JAG2: variants seen among roughly 807,000 people sequenced by gnomAD.
JAG2 encodes the protein jagged canonical Notch ligand 2, also known as protein jagged-2.
Under a neutral mutation model 141.7 loss-of-function variants are expected in JAG2, and 46 were observed. The observed-to-expected ratio is 0.32, with a 90% CI of 0.26 to 0.42. JAG2 has a LOEUF of 0.42. Among genes scored for constraint, JAG2 ranks in the 10% least tolerant of loss-of-function variants. The probability of loss-of-function intolerance (pLI) is 1.00; values close to 1 mark genes in which losing one functional copy is unlikely to be tolerated. For synonymous variants in JAG2, 862 were observed against 763.5 expected, an observed-to-expected ratio of 1.13 and a Z score of -2.13; for missense variants, 1,500 against 1,817.5, an observed-to-expected ratio of 0.83 and a Z score of 3.18.
rs1189744887 is a variant in JAG2 at position 105,148,123 on chromosome 14, G to A, written c.2241C>T (p.Cys747=). The change falls in exon 17 of 26, where the codon TGC becomes TGT. Residue 747 remains cysteine, a synonymous_variant. Coordinates refer to ENST00000331782, the MANE Select transcript of JAG2 (RefSeq NM_002226.5). The part of the protein sequence containing the change: ...ACPPGWKGST[C]AVAKNSSCLP... ...GCAGCGGGGGCTCCTCACCGACGGC[G>A]CAGGTGCTGCCCTTCCAGCCGGGGG... 9 of 1,547,400 alleles carry A rather than the reference G, an allele frequency of 5.8e-6. No individual in the cohort carries two copies. The East Asian group carries it at 7.3e-5, about 13-fold the overall frequency.
chr14:105,163,014 C>G (rs1423393872), intron 2 of JAG2, among the ~76,000 whole-genome samples: 2 of 151,562 alleles, frequency 1.3e-5, no homozygotes, highest in African/African-American at 4.9e-5. Context: ...CCGCTAACGG[C>G]CCCCCCAGGT....
chr14:105,148,694 G>T lies in JAG2; in HGVS notation c.2020+51C>A, dbSNP rs1194788742. 8.3e-6 allele frequency: 12 copies of T among 1,446,374 alleles called. No homozygotes were observed. The East Asian group carries it at 2.7e-4, about 33-fold the overall frequency. The allele number at this position is 1,446,374 out of a possible 1,614,324, so 89.6% of individuals were successfully genotyped here. A position where few individuals can be genotyped will look rare whatever the true frequency, so the allele number is the denominator to read the frequency against. ...GCGGTCCATCTCAGGGTGATAAGGG[G>T]CCCACAGGGGTGGAGGCACAGGCCG... On this transcript the variant is annotated intron_variant, in intron 15 of 25. Transcript: ENST00000331782.
rs762093993 is a variant in JAG2, at chr14:105,150,820, G to A, written c.1429-43C>T. ...GTGAGCGTCCCGCAGGCACCCTGAC[G>A]GCCCCGCAGCACCCACGCCACACAC... On this transcript the variant is annotated intron_variant, in intron 11 of 25. Transcript: ENST00000331782. The A allele has an allele frequency of 3.6e-5, 57 of 1,572,312 alleles. 1 individual carries two copies. In the Admixed American group the frequency reaches 8.2e-4, roughly 22 times the overall value.
intron 23 of JAG2, 105 bp from the exon 24 acceptor site, chr14:105,145,166 C>T (rs1361131985): frequency 6.8e-7 from 1 of 1,472,938 alleles, no homozygotes; most frequent in Non-Finnish European, 9.3e-7. Flanking sequence ...CTACAGCCCG[C>T]CCAGGAGAGC....
Position 105,147,310 on chromosome 14 carries a change from C to A in JAG2, c.2479+16G>T. ...GGCTGAGGGGCTCCCAGGGCTGGGG[C>A]TGTCTGGCCACTCACTGATGCGGCA... is the stretch of plus-strand genomic sequence containing the variant. On this transcript the variant is annotated intron_variant, in intron 20 of 25. Coordinates refer to ENST00000331782, the MANE Select transcript of JAG2 (RefSeq NM_002226.5). 2 of 1,549,796 alleles carry A rather than the reference C, an allele frequency of 1.3e-6. No individual in the cohort carries two copies. Among genetic ancestry groups the A allele is most frequent in the Non-Finnish European group, 8.7e-7 (1 of 1,146,010 alleles).
chr14:105,168,368 G>C lies in JAG2; in HGVS notation c.53C>G (p.Ala18Gly). Residue 18 changes from alanine (A) to glycine (G), a missense_variant, in exon 1 of 26, where the codon GCG becomes GGG. Ala to Gly is a moderately conservative substitution (Grantham distance 60, BLOSUM62 0). This residue lies in a region of JAG2 where 200 missense variants were observed against 174.3 expected (regional missense o/e 1.15). Transcript: ENST00000331782. ...RLPRRLLLLL[A>G]LWVQAARPMG... ...CGCCCCGCTCACCTGCACCCAGAGCGCCAGCAGCAGCAGCAGCCGCCGGGG... is the reference window on the plus strand; with the variant it reads ...CGCCCCGCTCACCTGCACCCAGAGCCCCAGCAGCAGCAGCAGCCGCCGGGG... 1.0e-6 allele frequency: 1 copy of C among 975,616 alleles called. No individual in the cohort carries two copies. The highest frequency in any genetic ancestry group is 2.5e-5 in the South Asian group (1 of 40,692). 60.4% of individuals were successfully genotyped at this position (975,616 alleles called of 1,614,324 possible). A position where few individuals can be genotyped will look rare whatever the true frequency, so the allele number is the denominator to read the frequency against.
chr14:105,153,282 T>A (rs1888489255), intron 5 of JAG2, among the ~76,000 whole-genome samples: 1 of 152,158 alleles, frequency 6.6e-6, no homozygotes, highest in Admixed American at 6.5e-5. Flanking sequence ...CTGCCACAAA[T>A]GGGGAAACTG....
rs372001634 is a variant in JAG2 at position 105,145,688 on chromosome 14, G to A, written c.2952+43C>T. On this transcript the variant is annotated intron_variant, in intron 23 of 25. Coordinates refer to ENST00000331782, the MANE Select transcript of JAG2 (RefSeq NM_002226.5). Reference sequence around the variant, plus strand: ...TTTCGCCATGCCACGAGCAGATGCCGGCGTGTGGCCTCTGCAAGCTCAGAT... The same window carrying A: ...TTTCGCCATGCCACGAGCAGATGCCAGCGTGTGGCCTCTGCAAGCTCAGAT... 939 of 1,562,756 alleles carry A rather than the reference G, an allele frequency of 6.0e-4. 5 individuals carry two copies. Among genetic ancestry groups the A allele is most frequent in the Admixed American group, 3.8e-3 (205 of 53,634 alleles).
At chr14:105,150,017 T>G (rs1428272439) in intron 12 of JAG2, among the ~76,000 whole-genome samples, 4 of 19,264 alleles carry the variant, frequency 2.1e-4, no homozygotes, top group African/African-American at 5.0e-4. Context: ...GATAGTGAGG[T>G]GGGTGGGGGG....
rs772466320 is a variant in JAG2, at chr14:105,149,181, C to T, written c.1742G>A (p.Gly581Glu). 1 of 1,611,692 alleles carries T rather than the reference C, an allele frequency of 6.2e-7. No individual in the cohort carries two copies. ...CSVPREPCPGGACRVIDGCGS... is the reference protein window; with the variant it reads ...CSVPREPCPGEACRVIDGCGS... ...GCCGCACCCAGCACCTCTGCAGGCC[C>T]CGCCAGGGCACGGCTCGCGGGGCAC... Residue 581 changes from glycine to glutamate, a missense_variant, in exon 13 of 26, where the codon GGG becomes GAG. By Grantham distance (98) the Gly-to-Glu change is moderately conservative. This residue lies in a region of JAG2 where 875 missense variants were observed against 1,202.2 expected (regional missense o/e 0.73). Transcript: ENST00000331782.
chr14:105,148,823 C>A lies in JAG2; in HGVS notation c.1942G>T (p.Gly648Trp). The A allele has an allele frequency of 6.3e-7, 1 of 1,598,704 alleles. No individual in the cohort carries two copies. Among genetic ancestry groups the A allele is most frequent in the Non-Finnish European group, 8.5e-7 (1 of 1,173,250 alleles). ...TCCACCTCATCGATGCATGTGCCCC[C>A]ATTGCGGCAGGGCTGGCCCAGGCAG... ...DDCLGQPCRNGGTCIDEVDAF... is the reference protein window; with the variant it reads ...DDCLGQPCRNWGTCIDEVDAF... Residue 648 changes from glycine (G) to tryptophan (W), a missense_variant, in exon 15 of 26, where the codon GGG (glycine) becomes TGG (tryptophan). This residue lies in a region of JAG2 where 875 missense variants were observed against 1,202.2 expected (regional missense o/e 0.73). Transcript: ENST00000331782.
rs773329200 is a variant in JAG2 at position 105,168,158 on chromosome 14, G to A, written c.67-51C>T. On this transcript the variant is annotated intron_variant, in intron 1 of 25. Transcript: ENST00000331782. The stretch of plus-strand genomic sequence containing the variant: ...GAGGGAGGCGCGGGCCGGGGTCGGC[G>A]GGCCGGGCGCCAGGGGTGGGGGAAC... The A allele has an allele frequency of 4.2e-5, 59 of 1,414,844 alleles. 1 individual carries two copies. Among genetic ancestry groups the A allele is most frequent in the Middle Eastern group, 2.5e-4 (1 of 3,948 alleles). The allele number at this position is 1,414,844 out of a possible 1,614,324, so 87.6% of individuals were successfully genotyped here. A position where few individuals can be genotyped will look rare whatever the true frequency, so the allele number is the denominator to read the frequency against.
intron 15 of JAG2, 75 bp downstream of exon 15, chr14:105,148,670 C>T (rs917104931): frequency 2.7e-5 from 35 of 1,293,744 alleles, no homozygotes; most frequent in East Asian, 5.0e-5. Context: ...ACCCAGACAG[C>T]GGTCCATCTC....
chr14:105,144,825 C>G (rs1193779019), intron 24 of JAG2, 105 bp downstream of exon 24: 5 of 1,431,122 alleles, frequency 3.5e-6, no homozygotes, highest in Non-Finnish European at 4.8e-6. Context: ...CGCAGTCCTT[C>G]CGCACCAGGA....
intron 12 of JAG2, 26 bp downstream of exon 12, chr14:105,150,578 G>C: frequency 6.5e-7 from 1 of 1,540,986 alleles, no homozygotes; most frequent in South Asian, 1.2e-5. Flanking sequence ...GCAGCAGGTG[G>C]GGCAGGGTGA....
intron 22 of JAG2, 67 bp downstream of exon 22, chr14:105,146,316 TCA>T: frequency 7.4e-7 from 1 of 1,357,316 alleles, no homozygotes; most frequent in South Asian, 1.2e-5. Flanking sequence ...CCTCCTGATC[TCA>T]CAGAGTGGCC....
Position 105,147,315 on chromosome 14 carries a change from T to G in JAG2, c.2479+11A>C. ...AGGGGCTCCCAGGGCTGGGGCTGTC[T>G]GGCCACTCACTGATGCGGCAGTCAG... On this transcript the variant is annotated intron_variant, in intron 20 of 25. Coordinates refer to ENST00000331782, the MANE Select transcript of JAG2 (RefSeq NM_002226.5). 6.4e-7 allele frequency: 1 copy of G among 1,551,542 alleles called. No individual in the cohort carries two copies. Among genetic ancestry groups the G allele is most frequent in the South Asian group, 1.2e-5 (1 of 84,270 alleles).
intron 3 of JAG2, among the ~76,000 whole-genome samples, 188 bp from the exon 4 acceptor site, chr14:105,156,177 C>T (rs1299031367): frequency 7.2e-6 from 1 of 139,506 alleles, no homozygotes; most frequent in Non-Finnish European, 1.6e-5. Flanking sequence ...GAGGCCTCTC[C>T]CTCCCGCCAC....
At position 105,148,980 on chromosome 14, in the gene JAG2, G is replaced by A. The variant is rs1209549504; in HGVS notation, c.1863C>T (p.Ser621=). 5.0e-6 allele frequency: 8 copies of A among 1,607,948 alleles called. No individual in the cohort carries two copies. Among genetic ancestry groups the A allele is most frequent in the African/African-American group, 4.0e-5 (3 of 74,826 alleles). Residue 621 remains serine, a synonymous_variant, in exon 14 of 26, where the codon TCC becomes TCT. Coordinates refer to ENST00000331782, the MANE Select transcript of JAG2 (RefSeq NM_002226.5). ...RCVSQPGGNF[S]CICDSGFTGT... is the part of the protein sequence containing the mutation. Reference sequence around the variant, plus strand: ...CAGTAAAGCCACTGTCACAGATGCAGGAAAAGTTGCCCCCTGGCTGGCTGA... The same window carrying A: ...CAGTAAAGCCACTGTCACAGATGCAAGAAAAGTTGCCCCCTGGCTGGCTGA...
Sources: allele counts gnomAD v4.1 joint callset (sites outside exome capture counted in the v4.1 genomes callset), GRCh38; gene constraint gnomAD v4.1.1; regional missense constraint gnomAD v4.1.1; transcripts MANE v1.5; gene names NCBI Gene and HGNC (gene_info 2026-07-23, HGNC 2026-07-21).